Variants in PCDHGA2 observed in about 807,000 individuals in gnomAD.
The protein encoded by PCDHGA2 is protocadherin gamma-A2.
PCDHGA2 carries 40 observed loss-of-function variants against 59.2 expected under a neutral mutation model. The observed-to-expected ratio is 0.68, with a 90% CI of 0.52 to 0.88. The LOEUF (loss-of-function observed/expected upper bound fraction) is 0.88, where lower values mean the gene tolerates loss of function less well. PCDHGA2 is among the 40% of genes least tolerant of loss of function. PCDHGA2 has a pLI of 0.00. For synonymous variants in PCDHGA2, 560 were observed against 526.0 expected, an observed-to-expected ratio of 1.06 and a Z score of -0.89; for missense variants, 1,226 against 1,204.0, an observed-to-expected ratio of 1.02 and a Z score of -0.27.
chr5:141,374,400 T>A (rs1389485133), intron 1 of PCDHGA2: 2 of 1,613,908 alleles, frequency 1.2e-6, no homozygotes, highest in Non-Finnish European at 1.7e-6. Flanking sequence ...CTGGTGAGTT[T>A]TAACATCCTT....
intron 1 of PCDHGA2, among the ~76,000 whole-genome samples, chr5:141,382,280 A>G (rs1218087661): frequency 6.6e-6 from 1 of 152,232 alleles, no homozygotes; most frequent in African/African-American, 2.4e-5. Context: ...TATGTGTTCA[A>G]TTAATACTGA....
At chr5:141,494,569 T>G (rs1341706026) in intron 1 of PCDHGA2, among the ~76,000 whole-genome samples, 2 of 152,190 alleles carry the variant, frequency 1.3e-5, no homozygotes, top group Non-Finnish European at 2.9e-5. Flanking sequence ...GAAAGGAGTC[T>G]CAGCTTGCTC....
rs752482688 is a variant in PCDHGA2, at chr5:141,339,739, C to T, written c.768C>T (p.Leu256=). The change falls in exon 1 of 4, where the codon CTC becomes CTT. Residue 256 remains leucine, a synonymous_variant. Coordinates refer to ENST00000394576, the MANE Select transcript of PCDHGA2 (RefSeq NM_018915.4). ...EYRISIPENT[L]VGTRILTVTA... is the part of the protein sequence containing the mutation. ...GCATAAGCATTCCGGAGAATACGCT[C>T]GTGGGCACCCGGATACTCACGGTGA... 1.1e-5 allele frequency: 18 copies of T among 1,614,042 alleles called. No individual in the cohort carries two copies. The highest frequency in any genetic ancestry group is 4.4e-5 in the South Asian group (4 of 91,076).
intron 1 of PCDHGA2, chr5:141,421,041 C>G (rs963777669): frequency 5.5e-6 from 3 of 546,514 alleles, no homozygotes; most frequent in Non-Finnish European, 9.5e-6. Context: ...TCCCTCCCTC[C>G]CCCGCCTCTA....
intron 1 of PCDHGA2, chr5:141,371,485 C>G: frequency 6.2e-7 from 1 of 1,613,980 alleles, no homozygotes; most frequent in South Asian, 1.1e-5. Context: ...GAGCTGGGGA[C>G]TGCCGTTGCC....
At chr5:141,442,417 T>A (rs2098323611) in intron 1 of PCDHGA2, 1 of 152,152 alleles carries the variant, frequency 6.6e-6, no homozygotes, top group Non-Finnish European at 1.5e-5. Flanking sequence ...TGAGTGAACT[T>A]CTTTTTTGAA....
chr5:141,500,554 C>A (rs2099801320), intron 2 of PCDHGA2, among the ~76,000 whole-genome samples: 1 of 152,212 alleles, frequency 6.6e-6, no homozygotes, highest in Admixed American at 6.5e-5. Context: ...AAGTTGTTCA[C>A]AAACTTGTCA....
rs747917835 is a variant in PCDHGA2 at position 141,487,659 on chromosome 5, AT to A, written c.2425-7147del. 3.7e-6 allele frequency: 6 copies of A among 1,613,466 alleles called. No homozygotes were observed. Among genetic ancestry groups the A allele is most frequent in the Non-Finnish European group, 5.1e-6 (6 of 1,179,716 alleles). On this transcript the variant is annotated intron_variant, in intron 1 of 3. Coordinates refer to ENST00000394576, the MANE Select transcript of PCDHGA2 (RefSeq NM_018915.4). This position sits in a 1 kb window ranked among gnomAD's most constrained non-coding sequence, Gnocchi z 5.0. ...CAACAAATGCTTGAGGGTTATTCTGATCCAGGCATATGGCTAGGCCATGTCC... is the reference window on the plus strand; with the variant it reads ...CAACAAATGCTTGAGGGTTATTCTGACCAGGCATATGGCTAGGCCATGTCC...
At position 141,502,665 on chromosome 5, in the gene PCDHGA2, A is replaced by G. The variant is rs192555506; in HGVS notation, c.2484-2728A>G. The stretch of plus-strand genomic sequence containing the variant: ...GAGATAGGCAGCAACCCTTCATGCA[A>G]TTTTAGTATTCCCTGATGATCCTTG... On this transcript the variant is annotated intron_variant, in intron 2 of 3. Transcript: ENST00000394576. 3.7e-3 allele frequency among the ~76,000 whole-genome samples: 568 copies of G among 152,330 alleles called. 1 individual carries two copies. Among genetic ancestry groups the G allele is most frequent in the African/African-American group, 0.013 (544 of 41,584 alleles).
At chr5:141,374,602 T>G in intron 1 of PCDHGA2, 1 of 1,613,652 alleles carries the variant, frequency 6.2e-7, no homozygotes, top group Non-Finnish European at 8.5e-7. Flanking sequence ...TTAAGCTCAG[T>G]GGTAATAGTC....
In PCDHGA2 at chr5:141,490,598, G is replaced by A. The variant is rs141484080; in HGVS notation, c.2425-4209G>A. On this transcript the variant is annotated intron_variant, in intron 1 of 3. Transcript: ENST00000394576. This position sits in a 1 kb window ranked among gnomAD's most constrained non-coding sequence, Gnocchi z 5.4. ...TCAGATGTCAATGACAATGCACCCC[G>A]CTTCAACCAGCAGCTTTACACTGCT... 309 of 1,614,062 alleles carry A rather than the reference G, an allele frequency of 1.9e-4. 2 individuals carry two copies. Among genetic ancestry groups the A allele is most frequent in the Admixed American group, 5.0e-4 (30 of 60,018 alleles).
chr5:141,370,453 T>A lies in PCDHGA2; in HGVS notation c.2424+29058T>A, dbSNP rs6860590. ...GGGCAGAGGCGAATGCTATTTCTCT[T>A]CCTGCTCTCTTTGTTAGACCAGGCT... On this transcript the variant is annotated intron_variant, in intron 1 of 3. Transcript: ENST00000394576. 2,396 of 1,611,648 alleles carry A rather than the reference T, an allele frequency of 1.5e-3. 32 individuals are homozygous for A. In the African/African-American group the frequency reaches 0.028, roughly 19 times the overall value.
chr5:141,381,775 C>T (rs1162791919), intron 1 of PCDHGA2, among the ~76,000 whole-genome samples: 1 of 150,644 alleles, frequency 6.6e-6, no homozygotes, highest in East Asian at 1.9e-4. Flanking sequence ...AATCAATAAT[C>T]AGGAACAAGG....
chr5:141,426,797 C>A (rs1487716495), intron 1 of PCDHGA2: 1 of 456,706 alleles, frequency 2.2e-6, no homozygotes, highest in Non-Finnish European at 4.4e-6. Context: ...GTTACCAGCT[C>A]AGTTCTAATG....
chr5:141,400,521 G>A (rs1462677478), intron 1 of PCDHGA2: 5 of 1,613,972 alleles, frequency 3.1e-6, no homozygotes, highest in Non-Finnish European at 4.2e-6. Context: ...CCCATCCTGA[G>A]TTGGTGAGTT....
At chr5:141,350,302 ACT>A in intron 1 of PCDHGA2, 1 of 1,520,774 alleles carries the variant, frequency 6.6e-7, no homozygotes, top group Non-Finnish European at 8.8e-7. Flanking sequence ...AAAGTCAGGT[ACT>A]GTTTCCCTTC....
At chr5:141,384,697 C>A in intron 1 of PCDHGA2, 1 of 1,614,142 alleles carries the variant, frequency 6.2e-7, no homozygotes, top group South Asian at 1.1e-5. Flanking sequence ...AGATTCAGGC[C>A]AGAACGCCTG....
chr5:141,477,438 C>A lies in PCDHGA2; in HGVS notation c.2425-17369C>A, dbSNP rs1386997844. The A allele has an allele frequency of 3.1e-6, 5 of 1,614,174 alleles. No individual in the cohort carries two copies. The Admixed American group carries it at 6.7e-5, about 22-fold the overall frequency. On this transcript the variant is annotated intron_variant, in intron 1 of 3. Coordinates refer to ENST00000394576, the MANE Select transcript of PCDHGA2 (RefSeq NM_018915.4). The surrounding 1 kb of genome is among the most constrained non-coding windows in gnomAD (Gnocchi z 4.9). ...GGAACCCCTTCCCTCTCAGCCCTTA[C>A]AATAGTGCGTGTTCAAGTGTCCGAC...
intron 1 of PCDHGA2, chr5:141,383,280 T>C (rs1180064294): frequency 6.2e-7 from 1 of 1,613,786 alleles, no homozygotes; most frequent in Non-Finnish European, 8.5e-7. Context: ...TAGATATTAA[T>C]GACAACGTTC....
Sources: allele counts gnomAD v4.1 joint callset (sites outside exome capture counted in the v4.1 genomes callset), GRCh38; gene constraint gnomAD v4.1.1; non-coding constraint Gnocchi (gnomAD v3.1); transcripts MANE v1.5; gene names NCBI Gene and HGNC (gene_info 2026-07-23, HGNC 2026-07-21).